Variants in KAZN observed in about 807,000 individuals in gnomAD.
The protein encoded by KAZN is kazrin.
KAZN carries 40 observed loss-of-function variants against 87.4 expected under a neutral mutation model. The observed-to-expected ratio is 0.46, with a 90% confidence interval of 0.36 to 0.60. The LOEUF (loss-of-function observed/expected upper bound fraction) is 0.60, where lower values mean the gene tolerates loss of function less well. KAZN is among the 20% of genes least tolerant of loss of function. The pLI is 0.00. For synonymous variants in KAZN, 466 were observed against 458.3 expected (o/e 1.02, Z -0.22); for missense variants, 898 against 1,073.9 (o/e 0.84, Z 2.29).
intron 2 of KAZN, among the ~76,000 whole-genome samples, chr1:14,258,816 C>T (rs1416728205): frequency 2.0e-5 from 3 of 152,068 alleles, no homozygotes; most frequent in Non-Finnish European, 2.9e-5. Flanking sequence ...ACTACAACCT[C>T]GCAGGAATAT....
chr1:15,106,558 A>G (rs982836468), intron 13 of KAZN, among the ~76,000 whole-genome samples: 1 of 152,120 alleles, frequency 6.6e-6, no homozygotes, highest in African/African-American at 2.4e-5. Context: ...ACTGGTGGGG[A>G]CAAATAGGGT....
At chr1:15,101,164 T>TTCTCTCTCTCTCTCTCTC (rs143288616) in intron 10 of KAZN, among the ~76,000 whole-genome samples, 3,868 of 127,710 alleles carry the variant, frequency 0.03, 228 homozygotes, top group African/African-American at 0.043. Flanking sequence ...GTCTCGGTCT[T>TTCTCTCTCTCTCTCTCTC]TCTCTCTCTC....
intron 1 of KAZN, among the ~76,000 whole-genome samples, chr1:13,930,088 G>T (rs927167245): frequency 2.0e-5 from 3 of 152,154 alleles, no homozygotes; most frequent in Admixed American, 2.0e-4. Context: ...TGTTTGCCAT[G>T]TGACTTTGCT....
At chr1:14,712,960 T>G (rs998898278) in intron 1 of KAZN, among the ~76,000 whole-genome samples, 1 of 152,210 alleles carries the variant, frequency 6.6e-6, no homozygotes, top group African/African-American at 2.4e-5. Flanking sequence ...TAGATGCTCA[T>G]GTATCAGTTG....
chr1:14,017,621 C>G (rs1475205511), intron 1 of KAZN, among the ~76,000 whole-genome samples: 1 of 152,226 alleles, frequency 6.6e-6, no homozygotes, highest in Non-Finnish European at 1.5e-5. Context: ...CACCCCAATG[C>G]TTCACCAGGC....
chr1:15,109,725 ATC>A (rs1271492916), intron 13 of KAZN, among the ~76,000 whole-genome samples: 2 of 143,884 alleles, frequency 1.4e-5, no homozygotes, highest in Admixed American at 7.2e-5. Context: ...GTGTGTATAT[ATC>A]TGTGTGTATG....
At chr1:15,089,300 CACCT>C (rs1307396584) in intron 8 of KAZN, among the ~76,000 whole-genome samples, 2 of 152,082 alleles carry the variant, frequency 1.3e-5, no homozygotes, top group Non-Finnish European at 2.9e-5. Flanking sequence ...CCCACCCACC[CACCT>C]GGGCACAGAA....
chr1:13,927,703 CT>C (rs1270888707), intron 1 of KAZN, among the ~76,000 whole-genome samples: 1 of 152,116 alleles, frequency 6.6e-6, no homozygotes, highest in Non-Finnish European at 1.5e-5. Flanking sequence ...CCCCAAGAAG[CT>C]TGCATCTTAG....
At chr1:14,031,580 G>T (rs113895990) in intron 1 of KAZN, among the ~76,000 whole-genome samples, 17 of 152,262 alleles carry the variant, frequency 1.1e-4, no homozygotes, top group African/African-American at 4.1e-4. Flanking sequence ...TGAATGAGAG[G>T]CAGAAGCTTC....
intron 6 of KAZN, 64 bp from the exon 7 acceptor site, chr1:15,063,508 C>G: frequency 7.0e-7 from 1 of 1,424,130 alleles, no homozygotes; most frequent in Non-Finnish European, 9.9e-7. Context: ...CCGCACGGGC[C>G]GCCTCTGCTC....
intron 2 of KAZN, among the ~76,000 whole-genome samples, chr1:14,584,331 C>T (rs1259628833): frequency 3.3e-5 from 5 of 152,172 alleles, no homozygotes; most frequent in African/African-American, 9.7e-5. Context: ...GAGGTAAGCC[C>T]GGAGTTGCCT....
At chr1:14,363,189 G>T (rs760252699) in intron 2 of KAZN, among the ~76,000 whole-genome samples, 37 of 152,184 alleles carry the variant, frequency 2.4e-4, no homozygotes, top group Non-Finnish European at 3.7e-4. Context: ...GGCAGTTGGG[G>T]ACTCTGAAAT....
intron 1 of KAZN, among the ~76,000 whole-genome samples, chr1:13,912,715 C>T (rs1416375236): frequency 2.6e-5 from 4 of 152,104 alleles, no homozygotes; most frequent in African/African-American, 9.7e-5. Flanking sequence ...GCGATTCTCC[C>T]ACCTCAGCCT....
At chr1:15,042,723 A>G (rs1673045618) in intron 3 of KAZN, among the ~76,000 whole-genome samples, 1 of 152,212 alleles carries the variant, frequency 6.6e-6, no homozygotes, top group Admixed American at 6.5e-5. Context: ...TGACAGCCAC[A>G]GAGAAAAGGC....
intron 1 of KAZN, among the ~76,000 whole-genome samples, chr1:14,000,428 G>A (rs1639731987): frequency 6.6e-6 from 1 of 152,128 alleles, no homozygotes. Context: ...TCACATAAAC[G>A]GAAGCGAAGA....
chr1:14,064,062 C>T (rs549102390), intron 1 of KAZN, among the ~76,000 whole-genome samples: 109 of 152,228 alleles, frequency 7.2e-4, no homozygotes, highest in African/African-American at 2.4e-3. Flanking sequence ...ATTACAGGCA[C>T]CTGCCACTCT....
Position 13,952,511 on chromosome 1 carries a change from C to T in KAZN, c.91+58755C>T, listed in dbSNP as rs150896209. Among the ~76,000 whole-genome samples, 794 of 152,136 alleles carry T rather than the reference C, an allele frequency of 5.2e-3. 1 individual carries two copies. Among genetic ancestry groups the T allele is most frequent in the Middle Eastern group, 0.014 (4 of 294 alleles). ...AGGCACTATCTTATCTCTCCTCTCACCCCTTACATGGAGGTGAATTTTGGC... is the reference window on the plus strand; with the variant it reads ...AGGCACTATCTTATCTCTCCTCTCATCCCTTACATGGAGGTGAATTTTGGC... On this transcript the variant is annotated intron_variant, in intron 1 of 16. Coordinates refer to the KAZN transcript ENST00000636203.
intron 1 of KAZN, among the ~76,000 whole-genome samples, chr1:14,170,454 C>T (rs148983905): frequency 3.9e-5 from 6 of 152,182 alleles, no homozygotes; most frequent in African/African-American, 1.4e-4. Flanking sequence ...GCAGTGGCAT[C>T]CTTACATGCC....
chr1:14,422,219 G>A (rs1665472138), intron 2 of KAZN, among the ~76,000 whole-genome samples: 1 of 152,198 alleles, frequency 6.6e-6, no homozygotes, highest in South Asian at 2.1e-4. Context: ...CATATTCTGG[G>A]TTCTGATGAG....
Sources: gnomAD v4.1 joint callset for allele counts (sites outside exome capture counted in the v4.1 genomes callset) on GRCh38, gnomAD v4.1.1 for gene constraint, MANE v1.5 for transcripts, NCBI Gene and HGNC (gene_info 2026-07-23, HGNC 2026-07-21) for gene names.